RNF17: variants seen among roughly 807,000 people sequenced by gnomAD.
RNF17 encodes the protein ring finger protein 17, also known as spermatogenesis associated 23.
In RNF17, 31 loss-of-function variants were observed where a neutral mutation model predicts 200.5. The observed-to-expected ratio is 0.15, with a 90% CI of 0.12 to 0.21. RNF17 has a LOEUF of 0.21. RNF17 is among the 10% of genes least tolerant of loss of function. The pLI, the probability that RNF17 is intolerant of heterozygous loss-of-function variation, is 1.00. For missense variants in RNF17, 1,628 were observed against 1,905.1 expected (o/e 0.85, Z 2.71); for synonymous variants, 606 against 637.8 (o/e 0.95, Z 0.75).
chr13:24,760,852 A>C (rs1878675814), upstream of RNF17, among the ~76,000 whole-genome samples: 1 of 152,248 alleles, frequency 6.6e-6, no homozygotes, highest in Non-Finnish European at 1.5e-5. Context: ...ACAAATGGCT[A>C]ATAGGTATAT....
chr13:24,783,516 C>G (rs1882710915), intron 6 of RNF17, among the ~76,000 whole-genome samples: 1 of 152,140 alleles, frequency 6.6e-6, no homozygotes, highest in Non-Finnish European at 1.5e-5. Flanking sequence ...CCAATCTATG[C>G]ACATGGGATG....
Position 24,861,383 on chromosome 13 carries a change from C to A in RNF17, c.3890C>A (p.Thr1297Lys). The change falls in exon 27 of 36, where the codon ACA becomes AAA. Residue 1297 changes from threonine to lysine, a missense_variant. Physicochemically the swap from Thr to Lys is moderately conservative, Grantham distance 78. Coordinates refer to ENST00000255324, the MANE Select transcript of RNF17 (RefSeq NM_031277.3). ...FCIPCQLHNT[T>K]PVGNVWQPDA... ...ATTCCTTGTCAGCTCCATAATACCA[C>A]ACCTGTGAGTACATAATAATTTGTG... 1 of 1,544,926 alleles carries A rather than the reference C, an allele frequency of 6.5e-7. No individual in the cohort carries two copies. The highest frequency in any genetic ancestry group is 8.8e-7 in the Non-Finnish European group (1 of 1,138,524).
At chr13:24,811,750 G>A (rs1408894330) in intron 15 of RNF17, among the ~76,000 whole-genome samples, 2 of 152,056 alleles carry the variant, frequency 1.3e-5, no homozygotes, top group Non-Finnish European at 2.9e-5. Flanking sequence ...TTTCTGCTCT[G>A]TTTTTTCCCC....
intron 18 of RNF17, among the ~76,000 whole-genome samples, chr13:24,835,288 C>G (rs1889857499): frequency 6.6e-6 from 1 of 152,116 alleles, no homozygotes; most frequent in Non-Finnish European, 1.5e-5. Flanking sequence ...GTTCTACGGC[C>G]CCGCCCATCG....
chr13:24,812,377 A>G (rs1157046110), intron 15 of RNF17, among the ~76,000 whole-genome samples: 1 of 151,872 alleles, frequency 6.6e-6, no homozygotes, highest in Non-Finnish European at 1.5e-5. Flanking sequence ...GGAAAAGTGC[A>G]GTATTCGGGT....
intron 3 of RNF17, 105 bp downstream of exon 3, chr13:24,775,009 A>G (rs1881364895): frequency 1.4e-5 from 10 of 717,070 alleles, no homozygotes; most frequent in South Asian, 1.0e-4. Context: ...TTTCTAACCT[A>G]CTGTTTATGG....
At chr13:24,837,081 A>C (rs1389268504) in intron 18 of RNF17, among the ~76,000 whole-genome samples, 1 of 152,178 alleles carries the variant, frequency 6.6e-6, no homozygotes, top group Non-Finnish European at 1.5e-5. Context: ...AGTTATTCTT[A>C]TATCAGACAA....
chr13:24,828,192 C>A (rs927998440), intron 16 of RNF17, among the ~76,000 whole-genome samples: 3 of 152,092 alleles, frequency 2.0e-5, no homozygotes, highest in African/African-American at 7.2e-5. Context: ...CCTCTGAAAT[C>A]TTTGAGTAGT....
rs1893103662 is a variant in RNF17, at chr13:24,861,527, A to T, written c.3894+140A>T. The stretch of plus-strand genomic sequence containing the variant: ...AAACACCAACAAATAAGTTACTAAG[A>T]CAGCTAAACAGCCTTTATGAAGACA... On this transcript the variant is annotated intron_variant, in intron 27 of 35. Coordinates refer to ENST00000255324, the MANE Select transcript of RNF17 (RefSeq NM_031277.3). 7.8e-6 allele frequency: 4 copies of T among 515,156 alleles called. No individual in the cohort carries two copies. In the Admixed American group the frequency reaches 1.6e-4, roughly 21 times the overall value. 31.9% of individuals were successfully genotyped at this position (515,156 alleles called of 1,614,324 possible).
chr13:24,864,426 A>C (rs1457299381), intron 28 of RNF17, among the ~76,000 whole-genome samples: 1 of 152,202 alleles, frequency 6.6e-6, no homozygotes, highest in Admixed American at 6.5e-5. Flanking sequence ...CAATAACTGT[A>C]AGTGAACTTT....
rs761875289 is a variant in RNF17 at position 24,823,218 on chromosome 13, C to T, written c.2092-2401C>T. On this transcript the variant is annotated intron_variant, in intron 15 of 35. Coordinates refer to ENST00000255324, the MANE Select transcript of RNF17 (RefSeq NM_031277.3). ...CCTCCTGAATAGCTGGGATTACAGG[C>T]GCCTGCCACCACACCTGAGTAATTT... 3.9e-5 allele frequency among the ~76,000 whole-genome samples: 6 copies of T among 152,188 alleles called. No individual in the cohort carries two copies. In the East Asian group the frequency reaches 5.8e-4, roughly 15 times the overall value.
Position 24,854,071 on chromosome 13 carries a change from C to T in RNF17, c.3537C>T (p.Asn1179=), listed in dbSNP as rs748799921. 13 of 1,613,788 alleles carry T rather than the reference C, an allele frequency of 8.1e-6. No individual in the cohort carries two copies. In the Admixed American group the frequency reaches 2.2e-4, roughly 27 times the overall value. ...GGTATAAGCCACCAGCTATTCCTAACATGAACGTATTTGAGGCAACAGTCA... is the reference window on the plus strand; with the variant it reads ...GGTATAAGCCACCAGCTATTCCTAATATGAACGTATTTGAGGCAACAGTCA... ...TRGYKPPAIP[N]MNVFEATVSC... The change falls in exon 25 of 36, where the codon AAC becomes AAT. Residue 1179 remains asparagine, a synonymous_variant. Transcript: ENST00000255324.
At chr13:24,883,870 T>C, downstream of RNF17, 1 of 1,432,450 alleles carries the variant, frequency 7.0e-7, no homozygotes, top group Non-Finnish European at 9.8e-7. Context: ...GGGTGTCACA[T>C]ATCATCAGAA....
chr13:24,833,871 A>T (rs1367769990), intron 18 of RNF17, among the ~76,000 whole-genome samples: 1 of 152,214 alleles, frequency 6.6e-6, no homozygotes, highest in Non-Finnish European at 1.5e-5. Context: ...TTTATATTTG[A>T]TTAAGAGGAG....
At chr13:24,792,034 A>T (rs1883930559) in intron 9 of RNF17, among the ~76,000 whole-genome samples, 1 of 152,292 alleles carries the variant, frequency 6.6e-6, no homozygotes, top group East Asian at 1.9e-4. Flanking sequence ...ATCTTTCTCC[A>T]TGCTTGGGAG....
chr13:24,799,336 C>T, intron 11 of RNF17, 59 bp from the exon 12 acceptor site: 1 of 1,337,822 alleles, frequency 7.5e-7, no homozygotes, highest in Non-Finnish European at 1.1e-6. Flanking sequence ...TGTCTGTAAA[C>T]TTATGAAGTG....
At chr13:24,838,288 A>G (rs1593391636) in intron 18 of RNF17, among the ~76,000 whole-genome samples, 1 of 152,188 alleles carries the variant, frequency 6.6e-6, no homozygotes, top group African/African-American at 2.4e-5. Context: ...TTTTGACACT[A>G]TTCCACAAGG....
chr13:24,802,531 G>A lies in RNF17; in HGVS notation c.1909G>A (p.Val637Met), dbSNP rs1451520487. ...PPNKISSDMP[V>M]SLRDALVFME... is the part of the protein sequence containing the mutation. Reference sequence around the variant, plus strand: ...GAATAAAATAAGCAGTGATATGCCTGTGTCTCTTAGAGATGCGCTAGTTTT... The same window carrying A: ...GAATAAAATAAGCAGTGATATGCCTATGTCTCTTAGAGATGCGCTAGTTTT... The change falls in exon 14 of 36, where the codon GTG becomes ATG. Residue 637 changes from valine to methionine, a missense_variant. Around this residue, in one of 5 missense-constraint regions of RNF17, gnomAD observed 289 missense variants for 384.9 expected, o/e 0.75. Transcript: ENST00000255324. 2.5e-6 allele frequency: 4 copies of A among 1,613,000 alleles called. No individual in the cohort carries two copies. Among genetic ancestry groups the A allele is most frequent in the Non-Finnish European group, 3.4e-6 (4 of 1,179,684 alleles).
intron 5 of RNF17, among the ~76,000 whole-genome samples, chr13:24,780,669 G>A (rs1882229882): frequency 6.6e-6 from 1 of 152,118 alleles, no homozygotes; most frequent in Non-Finnish European, 1.5e-5. Context: ...ATCACTTGAG[G>A]TCAGGAGTTC....
Sources: gnomAD v4.1 joint callset for allele counts (sites outside exome capture counted in the v4.1 genomes callset) on GRCh38, gnomAD v4.1.1 for gene constraint, gnomAD v4.1.1 regional missense constraint, MANE v1.5 for transcripts, NCBI Gene and HGNC (gene_info 2026-07-23, HGNC 2026-07-21) for gene names.